The following BICD1 variants were observed in gnomAD, a reference collection of about 807,000 sequenced individuals.
BICD1 encodes protein bicaudal D homolog 1.
BICD1 carries 35 observed loss-of-function variants against 92.5 expected under a neutral mutation model. That is an observed-to-expected ratio of 0.38 (90% CI 0.29 to 0.50). The LOEUF (loss-of-function observed/expected upper bound fraction) is 0.50, where lower values mean the gene tolerates loss of function less well. Among genes scored for constraint, BICD1 ranks in the 20% least tolerant of loss-of-function variants. BICD1 has a pLI of 0.93. For synonymous variants in BICD1, 429 were observed against 465.1 expected (o/e 0.92, Z 1.00); for missense variants, 950 against 1,189.8 (o/e 0.80, Z 2.97).
At chr12:32,192,459 T>A (rs1337283369) in intron 1 of BICD1, among the ~76,000 whole-genome samples, 1 of 145,520 alleles carries the variant, frequency 6.9e-6, no homozygotes, top group African/African-American at 2.8e-5. Context: ...AATAAATAGA[T>A]AGATAGATAG....
intron 1 of BICD1, among the ~76,000 whole-genome samples, chr12:32,128,316 G>T (rs1368309371): frequency 2.6e-5 from 4 of 152,164 alleles, no homozygotes. Context: ...GATTTTTGAG[G>T]AAGCATATGC....
intron 2 of BICD1, among the ~76,000 whole-genome samples, chr12:32,279,100 A>G (rs1189003331): frequency 6.6e-6 from 1 of 152,244 alleles, no homozygotes; most frequent in African/African-American, 2.4e-5. Context: ...ACTGTTTAAA[A>G]TCTTACAGTT....
rs1941499708 is a variant in BICD1, at chr12:32,107,148, T to C, written c.-184T>C. On this transcript the variant is annotated 5_prime_UTR_variant, in exon 1 of 10. Coordinates refer to ENST00000652176, the MANE Select transcript of BICD1 (RefSeq NM_001714.4). ...TTCTCCATGTTGCATTTCTCGTCAGTTTCTCGGGCGGTGTAGCTGCCGCTG... is the reference window on the plus strand; with the variant it reads ...TTCTCCATGTTGCATTTCTCGTCAGCTTCTCGGGCGGTGTAGCTGCCGCTG... 3.2e-6 allele frequency: 2 copies of C among 625,390 alleles called. No homozygotes were observed. The highest frequency in any genetic ancestry group is 3.7e-5 in the African/African-American group (2 of 54,394). The allele number at this position is 625,390 out of a possible 1,614,324, so 38.7% of individuals were successfully genotyped here.
At chr12:32,342,812 A>G (rs1938430989) in intron 8 of BICD1, among the ~76,000 whole-genome samples, 1 of 152,238 alleles carries the variant, frequency 6.6e-6, no homozygotes, top group African/African-American at 2.4e-5. Context: ...GATGGTAAAC[A>G]GAAAGCCTCA....
chr12:32,109,484 T>C (rs2121121116), intron 1 of BICD1: 1 of 152,244 alleles, frequency 6.6e-6, no homozygotes, highest in Non-Finnish European at 1.5e-5. Context: ...GTAACTGTGG[T>C]TTCTTAATAC....
chr12:32,261,858 T>G (rs1175073398), intron 2 of BICD1, among the ~76,000 whole-genome samples: 2 of 152,124 alleles, frequency 1.3e-5, no homozygotes, highest in African/African-American at 4.8e-5. Flanking sequence ...CCAGAAAGGG[T>G]TGAAGCAGGA....
At chr12:32,216,491 T>A (rs367607717) in intron 2 of BICD1, 32 bp downstream of exon 2, 1 of 1,599,288 alleles carries the variant, frequency 6.3e-7, no homozygotes, top group African/African-American at 1.3e-5. Context: ...GAGAGATTTG[T>A]GAGAGGGAGA....
At chr12:32,170,572 T>C (rs1943906757) in intron 1 of BICD1, among the ~76,000 whole-genome samples, 1 of 152,232 alleles carries the variant, frequency 6.6e-6, no homozygotes. Context: ...AGATTCTATG[T>C]CCTCAGCAGG....
intron 1 of BICD1, among the ~76,000 whole-genome samples, chr12:32,161,947 A>G (rs1943614254): frequency 6.6e-6 from 1 of 152,220 alleles, no homozygotes; most frequent in Non-Finnish European, 1.5e-5. Flanking sequence ...AATAAAAAAA[A>G]GCTGTCAAGA....
chr12:32,278,864 AAAATAAAT>A (rs59177126), intron 2 of BICD1, among the ~76,000 whole-genome samples: 4,219 of 150,428 alleles, frequency 0.028, 212 homozygotes, highest in African/African-American at 0.098. Context: ...TCAAAGAAAT[AAAATAAAT>A]AAATAAATAA....
rs1945365386 is a variant in BICD1 at position 32,216,426 on chromosome 12, G to C, written c.393G>C (p.Glu131Asp). The change falls in exon 2 of 10, where the codon GAG (glutamate) becomes GAC (aspartate). Residue 131 changes from glutamate to aspartate, a missense_variant. Coordinates refer to ENST00000652176, the MANE Select transcript of BICD1 (RefSeq NM_001714.4). ...AVVTNVQAENERLTAVVQDLK... is the reference protein window; with the variant it reads ...AVVTNVQAENDRLTAVVQDLK... ...TCACTAATGTACAGGCAGAAAACGA[G>C]AGGCTCACCGCAGTCGTGCAGGATC... is the stretch of plus-strand genomic sequence containing the variant. 4 of 1,614,180 alleles carry C rather than the reference G, an allele frequency of 2.5e-6. No homozygotes were observed. Among genetic ancestry groups the C allele is most frequent in the Non-Finnish European group, 3.4e-6 (4 of 1,180,032 alleles).
intron 1 of BICD1, among the ~76,000 whole-genome samples, chr12:32,209,405 G>A (rs767199610): frequency 2.0e-5 from 3 of 152,138 alleles, no homozygotes; most frequent in Non-Finnish European, 4.4e-5. Context: ...AGGTATTTTC[G>A]TTATTGCTGT....
chr12:32,286,654 A>G (rs963556111), intron 2 of BICD1, among the ~76,000 whole-genome samples: 3 of 152,196 alleles, frequency 2.0e-5, no homozygotes, highest in Admixed American at 6.5e-5. Flanking sequence ...ATTTTATTTC[A>G]AAGTGCATTG....
chr12:32,189,653 T>C (rs1944510600), intron 1 of BICD1, among the ~76,000 whole-genome samples: 1 of 151,360 alleles, frequency 6.6e-6, no homozygotes, highest in Admixed American at 6.6e-5. Flanking sequence ...AAGTGTGACA[T>C]CAACACCATA....
At chr12:32,341,303 C>T (rs1938357467) in intron 8 of BICD1, among the ~76,000 whole-genome samples, 1 of 151,674 alleles carries the variant, frequency 6.6e-6, no homozygotes, top group African/African-American at 2.4e-5. Context: ...TGGTGAAAAC[C>T]CGTCTCTACA....
intron 2 of BICD1, among the ~76,000 whole-genome samples, chr12:32,218,460 C>A (rs993875886): frequency 6.6e-6 from 1 of 152,164 alleles, no homozygotes; most frequent in Non-Finnish European, 1.5e-5. Flanking sequence ...GTGGGGGCTG[C>A]TGCTCTGGAA....
At chr12:32,226,435 A>G (rs1280032021) in intron 2 of BICD1, among the ~76,000 whole-genome samples, 1 of 152,124 alleles carries the variant, frequency 6.6e-6, no homozygotes, top group African/African-American at 2.4e-5. Context: ...CACCTGACCT[A>G]TTTTTAAATT....
intron 1 of BICD1, chr12:32,109,743 CTAT>C (rs899073683): frequency 1.1e-4 from 17 of 151,652 alleles, no homozygotes; most frequent in Non-Finnish European, 1.5e-4. Flanking sequence ...ATAGTGAGGC[CTAT>C]TATTTTTATT....
At chr12:32,364,454 G>A (rs1939451831) in intron 8 of BICD1, among the ~76,000 whole-genome samples, 1 of 152,094 alleles carries the variant, frequency 6.6e-6, no homozygotes, top group African/African-American at 2.4e-5. Flanking sequence ...AGACACATCC[G>A]TGGCTCAGCC....
Sources: gnomAD v4.1 joint callset for allele counts (sites outside exome capture counted in the v4.1 genomes callset) on GRCh38, gnomAD v4.1.1 for gene constraint, MANE v1.5 for transcripts, NCBI Gene and HGNC (gene_info 2026-07-23, HGNC 2026-07-21) for gene names.